Variants in MID2 observed in about 807,000 individuals in gnomAD.
MID2 encodes the protein midline 2.
In MID2, 13 loss-of-function variants were observed where a neutral mutation model predicts 46.1. The ratio of observed to expected loss-of-function variants is 0.28; its 90% CI spans 0.18 to 0.45. The LOEUF (loss-of-function observed/expected upper bound fraction) is 0.45, where lower values mean the gene tolerates loss of function less well. MID2 is among the 20% of genes least tolerant of loss of function. The pLI is 1.00. For missense variants in MID2, 431 were observed against 575.4 expected, an observed-to-expected ratio of 0.75 and a Z score of 2.57; for synonymous variants, 199 against 212.3, an observed-to-expected ratio of 0.94 and a Z score of 0.55.
chrX:107,860,872 T>G (rs1308772258), intron 3 of MID2, among the ~76,000 whole-genome samples: 1 of 111,985 alleles, frequency 8.9e-6, no homozygotes, highest in Non-Finnish European at 1.9e-5. Context: ...AAAGAAATAT[T>G]TAAGTGTTTT....
chrX:107,851,244 A>G (rs1569463335), intron 2 of MID2, among the ~76,000 whole-genome samples: 1 of 110,993 alleles, frequency 9.0e-6, no homozygotes, highest in East Asian at 2.8e-4. Flanking sequence ...AGGAGTCTAG[A>G]CTTGCAGCCT....
intron 1 of MID2, among the ~76,000 whole-genome samples, chrX:107,832,945 A>T (rs760793828): frequency 7.2e-5 from 8 of 111,357 alleles, no homozygotes; most frequent in Non-Finnish European, 1.5e-4. Context: ...TATTCTCATT[A>T]GTTTATATTC....
At chrX:107,913,019 A>G (rs1251309938) in intron 5 of MID2, among the ~76,000 whole-genome samples, 1 of 110,677 alleles carries the variant, frequency 9.0e-6, no homozygotes, top group Non-Finnish European at 1.9e-5. Context: ...CAAGATCGCT[A>G]ATGTTGTGTT....
chrX:107,889,896 C>T (rs1486799098), intron 3 of MID2, among the ~76,000 whole-genome samples: 3 of 111,791 alleles, frequency 2.7e-5, no homozygotes, highest in Non-Finnish European at 5.6e-5. Context: ...ACCCTTTCTT[C>T]CAGTTGATCG....
Position 107,928,685 on chromosome X carries a change from A to G in MID2, c.*1612A>G, listed in dbSNP as rs970465494. Among the ~76,000 whole-genome samples, 11 of 111,601 alleles carry G rather than the reference A, an allele frequency of 9.9e-5. No individual in the cohort carries two copies. Among genetic ancestry groups the G allele is most frequent in the Non-Finnish European group, 1.7e-4 (9 of 53,055 alleles). On this transcript the variant is annotated 3_prime_UTR_variant, in exon 10 of 10. Coordinates refer to ENST00000262843, the MANE Select transcript of MID2 (RefSeq NM_012216.4). ...AAACTACTGCCATGGGAGTGCACAT[A>G]TTAACAAAATGCTCTACCTGCTGCC...
chrX:107,894,063 C>T (rs1932661173), intron 3 of MID2, among the ~76,000 whole-genome samples: 1 of 112,082 alleles, frequency 8.9e-6, no homozygotes, highest in South Asian at 3.8e-4. Context: ...CATTCCCTGC[C>T]TCCCTCATCT....
chrX:107,845,384 C>T (rs1034102605), intron 2 of MID2, among the ~76,000 whole-genome samples: 1 of 111,076 alleles, frequency 9.0e-6, no homozygotes, highest in Non-Finnish European at 1.9e-5. Context: ...TACATTTCCA[C>T]AAATTCATTA....
chrX:107,880,593 T>G (rs1187601969), intron 3 of MID2, among the ~76,000 whole-genome samples: 1 of 111,948 alleles, frequency 8.9e-6, no homozygotes, highest in Non-Finnish European at 1.9e-5. Flanking sequence ...AAAAGGTATC[T>G]CAAAAGGCCA....
At chrX:107,826,820 G>A (rs1034939582) in intron 1 of MID2, among the ~76,000 whole-genome samples, 1 of 113,567 alleles carries the variant, frequency 8.8e-6, no homozygotes, top group African/African-American at 3.2e-5. Context: ...TCCCGCAGCC[G>A]GCAGCCTCCT....
chrX:107,904,277 T>C (rs1932818224), intron 4 of MID2, among the ~76,000 whole-genome samples: 1 of 111,828 alleles, frequency 8.9e-6, no homozygotes, highest in Non-Finnish European at 1.9e-5. Flanking sequence ...TGACCTGGTT[T>C]ACGTGGGTGT....
chrX:107,862,185 G>C, intron 3 of MID2, among the ~76,000 whole-genome samples: 1 of 111,522 alleles, frequency 9.0e-6, no homozygotes, highest in Non-Finnish European at 1.9e-5. Flanking sequence ...GAAGGAGAAA[G>C]AGGAAGAGGA....
At chrX:107,826,742 G>C (rs1010715033) in intron 1 of MID2, among the ~76,000 whole-genome samples, 4 of 113,260 alleles carry the variant, frequency 3.5e-5, no homozygotes, top group Non-Finnish European at 3.8e-5. Context: ...GGCCCGGCGC[G>C]GGCAGTCGAG....
chrX:107,921,182 C>T (rs1933063731), intron 7 of MID2, among the ~76,000 whole-genome samples: 1 of 111,634 alleles, frequency 9.0e-6, no homozygotes. Flanking sequence ...CTTTCTTTGT[C>T]TTGAACAACA....
At chrX:107,909,362 G>A (rs990682498) in intron 5 of MID2, among the ~76,000 whole-genome samples, 1 of 111,747 alleles carries the variant, frequency 8.9e-6, no homozygotes, top group African/African-American at 3.3e-5. Context: ...ACCAGGGATT[G>A]TTCCCTCTTA....
At chrX:107,923,030 T>C (rs1311828238) in intron 7 of MID2, among the ~76,000 whole-genome samples, 1 of 112,297 alleles carries the variant, frequency 8.9e-6, no homozygotes, top group African/African-American at 3.2e-5. Flanking sequence ...CCTCCACCAA[T>C]TCTTCCTCCT....
At chrX:107,827,272 C>T (rs1383372374) in intron 1 of MID2, among the ~76,000 whole-genome samples, 1 of 111,341 alleles carries the variant, frequency 9.0e-6, no homozygotes, top group East Asian at 2.8e-4. Flanking sequence ...CTCTCTTCCA[C>T]GGTCCCCTAC....
intron 3 of MID2, among the ~76,000 whole-genome samples, chrX:107,900,415 A>T (rs1204595483): frequency 9.0e-6 from 1 of 111,262 alleles, no homozygotes; most frequent in Non-Finnish European, 1.9e-5. Context: ...ATGTAAGCAA[A>T]AGAGTGCTTC....
At chrX:107,888,944 C>T (rs1932529418) in intron 3 of MID2, among the ~76,000 whole-genome samples, 1 of 110,981 alleles carries the variant, frequency 9.0e-6, no homozygotes, top group Admixed American at 9.6e-5. Context: ...GATTGCAGAC[C>T]CTGCCTTTTT....
chrX:107,906,018 G>A (rs1427423361), intron 5 of MID2, among the ~76,000 whole-genome samples: 2 of 112,155 alleles, frequency 1.8e-5, no homozygotes, highest in Non-Finnish European at 3.8e-5. Context: ...CTTTATGGCA[G>A]TAATTTTTAG....
Sources: gnomAD v4.1 joint callset for allele counts (sites outside exome capture counted in the v4.1 genomes callset) on GRCh38, gnomAD v4.1.1 for gene constraint, MANE v1.5 for transcripts, NCBI Gene and HGNC (gene_info 2026-07-23, HGNC 2026-07-21) for gene names.